The following SPEN variants were observed in gnomAD, a reference collection of about 807,000 sequenced individuals.
The protein encoded by SPEN is spen family transcriptional repressor.
A neutral mutation model predicts 269.9 loss-of-function variants in SPEN; 18 were observed. That is an observed-to-expected ratio of 0.07 (90% CI 0.05 to 0.10). SPEN has a LOEUF of 0.10. Ranked by LOEUF, SPEN falls within the 10% of genes least tolerant of loss-of-function variation. The pLI is 1.00. For synonymous variants in SPEN, 1,726 were observed against 1,765.7 expected, an observed-to-expected ratio of 0.98 and a Z score of 0.56; for missense variants, 3,822 against 4,631.2, an observed-to-expected ratio of 0.83 and a Z score of 5.07.
At chr1:15,883,950 C>T (rs1465803042) in intron 3 of SPEN, among the ~76,000 whole-genome samples, 1 of 151,680 alleles carries the variant, frequency 6.6e-6, no homozygotes, top group African/African-American at 2.4e-5. Context: ...GCTGGGCCTA[C>T]AGGCGCCCGC....
chr1:15,876,404 C>T lies in SPEN; in HGVS notation c.607C>T (p.Pro203Ser), dbSNP rs760854158. 6.2e-7 allele frequency: 1 copy of T among 1,614,040 alleles called. No homozygotes were observed. Among genetic ancestry groups the T allele is most frequent in the East Asian group, 2.2e-5 (1 of 44,882 alleles). Reference protein sequence around the residue: ...RFDAHDPRYEPRAREQFTLPS... With the variant: ...RFDAHDPRYESRAREQFTLPS... ...TGATGCTCATGACCCCCGATATGAA[C>T]CTAGGGCTCGCGAGCAGTTTACACT... The change falls in exon 3 of 15, where the codon CCT becomes TCT. Residue 203 changes from proline (P) to serine (S), a missense_variant. Around this residue, in one of 16 missense-constraint regions of SPEN, gnomAD observed 327 missense variants for 350.8 expected, o/e 0.93. Coordinates refer to ENST00000375759, the MANE Select transcript of SPEN (RefSeq NM_015001.3).
chr1:15,896,742 G>A (rs1440898958), intron 3 of SPEN, among the ~76,000 whole-genome samples: 1 of 152,182 alleles, frequency 6.6e-6, no homozygotes, highest in Non-Finnish European at 1.5e-5. Context: ...CAGCAATAAA[G>A]GGTCATTGTA....
At chr1:15,904,385 G>C (rs915076245) in intron 3 of SPEN, among the ~76,000 whole-genome samples, 1 of 138,000 alleles carries the variant, frequency 7.2e-6, no homozygotes, top group Non-Finnish European at 1.5e-5. Context: ...AGAATCACTT[G>C]AACCTGGAAG....
At chr1:15,883,807 CTT>C (rs36018800) in intron 3 of SPEN, among the ~76,000 whole-genome samples, 165 of 69,552 alleles carry the variant, frequency 2.4e-3, no homozygotes, top group Admixed American at 4.9e-3. Context: ...ATTTAAGATT[CTT>C]TTTTTTTTTT....
chr1:15,904,327 A>G (rs1405699856), intron 3 of SPEN, among the ~76,000 whole-genome samples: 1 of 152,002 alleles, frequency 6.6e-6, no homozygotes, highest in Non-Finnish European at 1.5e-5. Flanking sequence ...AAAATACAAA[A>G]TCACCTGGGC....
At chr1:15,924,997 C>T (rs1475256802) in intron 10 of SPEN, among the ~76,000 whole-genome samples, 1 of 152,168 alleles carries the variant, frequency 6.6e-6, no homozygotes, top group African/African-American at 2.4e-5. Context: ...TGGAAGTTAT[C>T]TCACTGAATA....
chr1:15,904,479 TG>T (rs2070936676), intron 3 of SPEN, among the ~76,000 whole-genome samples: 1 of 81,112 alleles, frequency 1.2e-5, no homozygotes, highest in East Asian at 3.0e-4. Flanking sequence ...AAAAAAAAAG[TG>T]AACTAAAAAC....
chr1:15,865,568 A>T (rs1210486035), intron 1 of SPEN, among the ~76,000 whole-genome samples: 1 of 148,394 alleles, frequency 6.7e-6, no homozygotes, highest in African/African-American at 2.5e-5. Flanking sequence ...GACTACAGGC[A>T]CGCACCGCCA....
chr1:15,896,270 A>G (rs1298900831), intron 3 of SPEN, among the ~76,000 whole-genome samples: 1 of 129,690 alleles, frequency 7.7e-6, no homozygotes, highest in Non-Finnish European at 1.5e-5. Context: ...ATCTTGGCTC[A>G]CTGCAATCTC....
chr1:15,894,128 G>A (rs2070815971), intron 3 of SPEN, among the ~76,000 whole-genome samples: 1 of 152,194 alleles, frequency 6.6e-6, no homozygotes, highest in Non-Finnish European at 1.5e-5. Flanking sequence ...CTTGATCTGT[G>A]TGCTTTCTTG....
At chr1:15,903,016 A>G (rs546984136) in intron 3 of SPEN, among the ~76,000 whole-genome samples, 33 of 152,370 alleles carry the variant, frequency 2.2e-4, no homozygotes, top group African/African-American at 7.9e-4. Flanking sequence ...TTTACAAATA[A>G]TAGAGGGATA....
rs756864169 is a variant in SPEN, at chr1:15,935,589, C to T, written c.9349C>T (p.Leu3117Phe). Reference sequence around the variant, plus strand: ...CACCTACAGCATCCGGCCAGAAGCGCTTCACTCTCCTCGGGCTCCGCTGCA... The same window carrying T: ...CACCTACAGCATCCGGCCAGAAGCGTTTCACTCTCCTCGGGCTCCGCTGCA... ...SITYSIRPEA[L>F]HSPRAPLQPQ... Residue 3117 changes from leucine to phenylalanine, a missense_variant, in exon 11 of 15, where the codon CTT becomes TTT. Leu to Phe is a conservative substitution (Grantham distance 22, BLOSUM62 0). Around this residue, in one of 16 missense-constraint regions of SPEN, gnomAD observed 153 missense variants for 228.5 expected, o/e 0.67. Transcript: ENST00000375759. This position sits in a 1 kb window ranked among gnomAD's most constrained non-coding sequence, Gnocchi z 7.7. The T allele has an allele frequency of 1.9e-6, 3 of 1,614,024 alleles. No individual in the cohort carries two copies. In the African/African-American group the frequency reaches 4.0e-5, roughly 22 times the overall value.
chr1:15,929,271 G>T lies in SPEN; in HGVS notation c.3031G>T (p.Asp1011Tyr). Residue 1011 changes from aspartate to tyrosine, a missense_variant, in exon 11 of 15, where the codon GAT becomes TAT. Physicochemically the swap from Asp to Tyr is radical, Grantham distance 160 (BLOSUM62 -3). Around this residue, in one of 16 missense-constraint regions of SPEN, gnomAD observed 572 missense variants for 582.6 expected, o/e 0.98. Transcript: ENST00000375759. This position sits in a 1 kb window ranked among gnomAD's most constrained non-coding sequence, Gnocchi z 5.8. ...CAAGAAAAGCAGTCCAGAGATGGAG[G>T]ATGCTCGCGTGCTTTCAAAAAAGCA... ...EVKKSSPEME[D>Y]ARVLSKKQPD... 1 of 1,614,190 alleles carries T rather than the reference G, an allele frequency of 6.2e-7. No individual in the cohort carries two copies. The highest frequency in any genetic ancestry group is 8.5e-7 in the Non-Finnish European group (1 of 1,180,036).
chr1:15,909,580 T>A, intron 4 of SPEN, 99 bp downstream of exon 4: 1 of 1,239,992 alleles, frequency 8.1e-7, no homozygotes, highest in Non-Finnish European at 1.1e-6. Flanking sequence ...AAAATTATAA[T>A]GGAAAACCCA....
rs1465802672 is a variant in SPEN, at chr1:15,938,018, A to G, written c.10704+12A>G. 5.0e-6 allele frequency: 8 copies of G among 1,587,492 alleles called. No homozygotes were observed. Among genetic ancestry groups the G allele is most frequent in the Admixed American group, 1.8e-5 (1 of 54,176 alleles). On this transcript the variant is annotated intron_variant, in intron 13 of 14. Coordinates refer to ENST00000375759, the MANE Select transcript of SPEN (RefSeq NM_015001.3). ...CCCGAAGGATGACGGTAAGACTCTC[A>G]GGCCCAGGTGAGCAACTGCCCCACC...
chr1:15,849,413 T>G (rs1054633840), intron 1 of SPEN, among the ~76,000 whole-genome samples: 1 of 152,202 alleles, frequency 6.6e-6, no homozygotes, highest in African/African-American at 2.4e-5. Context: ...TGGAGGATCA[T>G]TGATTGTGTT....
At chr1:15,854,628 G>A (rs2070367905) in intron 1 of SPEN, among the ~76,000 whole-genome samples, 1 of 152,020 alleles carries the variant, frequency 6.6e-6, no homozygotes, top group African/African-American at 2.4e-5. Context: ...GGGATTACAG[G>A]CATGCACCAC....
chr1:15,876,097 C>T (rs748341271), intron 2 of SPEN, 105 bp from the exon 3 acceptor site: 2 of 826,836 alleles, frequency 2.4e-6, no homozygotes, highest in Non-Finnish European at 2.0e-6. Flanking sequence ...TAGAAAATGA[C>T]CAGTTGCAAA....
chr1:15,879,697 G>T (rs1307522381), intron 3 of SPEN, among the ~76,000 whole-genome samples: 1 of 150,632 alleles, frequency 6.6e-6, no homozygotes, highest in Non-Finnish European at 1.5e-5. Context: ...TTGAGGCGGA[G>T]TCTCGCTCTG....
Sources: allele counts gnomAD v4.1 joint callset (sites outside exome capture counted in the v4.1 genomes callset), GRCh38; gene constraint gnomAD v4.1.1; regional missense constraint gnomAD v4.1.1; non-coding constraint Gnocchi (gnomAD v3.1); transcripts MANE v1.5; gene names NCBI Gene and HGNC (gene_info 2026-07-23, HGNC 2026-07-21).